The following GALR1 variants were observed in gnomAD, a reference collection of about 807,000 sequenced individuals.
GALR1 encodes the protein galanin receptor 1.
GALR1 carries 11 observed loss-of-function variants against 17.9 expected under a neutral mutation model. The observed-to-expected ratio is 0.62, with a 90% CI of 0.39 to 1.02. GALR1 has a LOEUF of 1.02. Ranked by LOEUF, GALR1 falls within the 50% of genes least tolerant of loss-of-function variation. The pLI, the probability that GALR1 is intolerant of heterozygous loss-of-function variation, is 0.01. For synonymous variants in GALR1, 206 were observed against 205.7 expected (o/e 1.00, Z -0.01); for missense variants, 441 against 456.9 (o/e 0.97, Z 0.32).
At position 77,274,351 on chromosome 18, in the gene GALR1, T is replaced by A. The variant is rs1913116208; in HGVS notation, c.*5449T>A. On this transcript the variant is annotated 3_prime_UTR_variant, in exon 3 of 3. Transcript: ENST00000299727. ...ATCCAAAAGCCAAGTGAAGGGCAGATAGATCCCCAGGTGCCACCCAGGCTC... is the reference window on the plus strand; with the variant it reads ...ATCCAAAAGCCAAGTGAAGGGCAGAAAGATCCCCAGGTGCCACCCAGGCTC... The A allele has an allele frequency of 6.6e-6, 1 of 152,340 alleles. No homozygotes were observed. The highest frequency in any genetic ancestry group is 6.5e-5 in the Admixed American group (1 of 15,280). The allele number at this position is 152,340 out of a possible 1,614,324, so 9.4% of individuals were successfully genotyped here.
At chr18:77,263,656 T>G (rs1912881085) in intron 2 of GALR1, among the ~76,000 whole-genome samples, 1 of 152,166 alleles carries the variant, frequency 6.6e-6, no homozygotes, top group Non-Finnish European at 1.5e-5. Context: ...GATCTAGCCC[T>G]CCCTCTACTC....
chr18:77,256,922 T>C (rs577948291), intron 2 of GALR1, among the ~76,000 whole-genome samples: 1 of 152,324 alleles, frequency 6.6e-6, no homozygotes, highest in South Asian at 2.1e-4. Flanking sequence ...GAACTCTTAC[T>C]CAGAAAATAT....
At chr18:77,258,730 GATGGTGATGATGGTT>G (rs1912682765) in intron 2 of GALR1, among the ~76,000 whole-genome samples, 1 of 104,378 alleles carries the variant, frequency 9.6e-6, no homozygotes, top group Admixed American at 9.9e-5. Context: ...TGATGGTGGT[GATGGTGATGATGGTT>G]ATGGTGGTGA....
At chr18:77,259,449 CATGGTGGTGATGGTGGTG>C (rs1193081379) in intron 2 of GALR1, among the ~76,000 whole-genome samples, 1 of 59,594 alleles carries the variant, frequency 1.7e-5, no homozygotes, top group African/African-American at 4.4e-5. Context: ...TGATGGTGAT[CATGGTGGTGATGGTGGTG>C]ATGGTGGCGA....
chr18:77,264,308 C>T (rs1912899399), intron 2 of GALR1, among the ~76,000 whole-genome samples: 1 of 152,120 alleles, frequency 6.6e-6, no homozygotes, highest in Non-Finnish European at 1.5e-5. Context: ...TGTGGTGGGA[C>T]AGTGCTGTCT....
At chr18:77,264,455 T>G (rs532172919) in intron 2 of GALR1, among the ~76,000 whole-genome samples, 3 of 152,204 alleles carry the variant, frequency 2.0e-5, no homozygotes, top group Admixed American at 6.5e-5. Context: ...TTATCCATTT[T>G]AGAGTATTTC....
At chr18:77,262,019 G>T (rs1912841251) in intron 2 of GALR1, among the ~76,000 whole-genome samples, 1 of 151,992 alleles carries the variant, frequency 6.6e-6, no homozygotes, top group African/African-American at 2.4e-5. Flanking sequence ...TTAAAGGTGG[G>T]GACTCAGGAT....
chr18:77,266,218 C>G (rs932206505), intron 2 of GALR1, among the ~76,000 whole-genome samples: 1 of 152,192 alleles, frequency 6.6e-6, no homozygotes, highest in African/African-American at 2.4e-5. Flanking sequence ...TAAAGCATAG[C>G]AAGAGTGACC....
chr18:77,267,203 C>G (rs546296075), intron 2 of GALR1, among the ~76,000 whole-genome samples: 1 of 152,350 alleles, frequency 6.6e-6, no homozygotes, highest in African/African-American at 2.4e-5. Flanking sequence ...CTTATGGCAG[C>G]CTTTATTGCC....
At chr18:77,252,819 G>A (rs1460930818) in intron 1 of GALR1, among the ~76,000 whole-genome samples, 1 of 144,622 alleles carries the variant, frequency 6.9e-6, no homozygotes, top group East Asian at 2.1e-4. Context: ...CTGAACTCTA[G>A]CCTGGCTGAC....
rs1307807737 is a variant in GALR1 at position 77,274,185 on chromosome 18, GCTCA to G, written c.*5286_*5289del. The G allele has an allele frequency of 3.3e-5, 5 of 151,968 alleles. No individual in the cohort carries two copies. Among genetic ancestry groups the G allele is most frequent in the Non-Finnish European group, 5.9e-5 (4 of 67,982 alleles). 9.4% of individuals were successfully genotyped at this position (151,968 alleles called of 1,614,324 possible). ...TGCTGGCTAGATTGTCCAAAAACAA[GCTCA>G]CTTGTTTTTGGGCAATCTAGCCAAG... is the stretch of plus-strand genomic sequence containing the variant. On this transcript the variant is annotated 3_prime_UTR_variant, in exon 3 of 3. Coordinates refer to ENST00000299727, the MANE Select transcript of GALR1 (RefSeq NM_001480.4).
Position 77,268,935 on chromosome 18 carries a change from C to T in GALR1, c.*33C>T. The T allele has an allele frequency of 1.3e-6, 2 of 1,499,138 alleles. No homozygotes were observed. The highest frequency in any genetic ancestry group is 1.7e-4 in the Middle Eastern group (1 of 5,786). 92.9% of individuals were successfully genotyped at this position (1,499,138 alleles called of 1,614,324 possible). A position where few individuals can be genotyped will look rare whatever the true frequency, so the allele number is the denominator to read the frequency against. On this transcript the variant is annotated 3_prime_UTR_variant, in exon 3 of 3. Coordinates refer to ENST00000299727, the MANE Select transcript of GALR1 (RefSeq NM_001480.4). ...TAGAGTATCCTTATGGTTGAGTTTC[C>T]ATATAAGTGGACCAGACACAGAAAC...
At position 77,273,710 on chromosome 18, in the gene GALR1, T is replaced by A. The variant is rs1913104330; in HGVS notation, c.*4808T>A. On this transcript the variant is annotated 3_prime_UTR_variant, in exon 3 of 3. Coordinates refer to ENST00000299727, the MANE Select transcript of GALR1 (RefSeq NM_001480.4). Reference sequence around the variant, plus strand: ...ATCTTTGTATTCACTGGAAATAACCTCAGCTGAATTTTCTCTCTGAATCTT... The same window carrying A: ...ATCTTTGTATTCACTGGAAATAACCACAGCTGAATTTTCTCTCTGAATCTT... The A allele has an allele frequency of 6.6e-6, 1 of 152,108 alleles. No individual in the cohort carries two copies. The highest frequency in any genetic ancestry group is 2.4e-5 in the African/African-American group (1 of 41,410). The allele number at this position is 152,108 out of a possible 1,614,324, so 9.4% of individuals were successfully genotyped here.
intron 2 of GALR1, among the ~76,000 whole-genome samples, chr18:77,262,149 T>A (rs912372263): frequency 2.0e-5 from 3 of 151,830 alleles, no homozygotes; most frequent in Non-Finnish European, 4.4e-5. Flanking sequence ...AAAAGGCAGA[T>A]TCCTGGGTAA....
Position 77,269,830 on chromosome 18 carries a change from AGTCACATGAAGTAATG to A in GALR1, c.*933_*948del, listed in dbSNP as rs1323104479. 1 of 152,234 alleles carries A rather than the reference AGTCACATGAAGTAATG, an allele frequency of 6.6e-6. No homozygotes were observed. Among genetic ancestry groups the A allele is most frequent in the Non-Finnish European group, 1.5e-5 (1 of 68,036 alleles). 9.4% of individuals were successfully genotyped at this position (152,234 alleles called of 1,614,324 possible). On this transcript the variant is annotated 3_prime_UTR_variant, in exon 3 of 3. Transcript: ENST00000299727. ...ACCAAAGACTAGACAGAATTCAGTA[AGTCACATGAAGTAATG>A]GTCATGCCTGTACATAAAGCATATT...
At position 77,250,620 on chromosome 18, in the gene GALR1, G is replaced by A. The variant is rs565505361; in HGVS notation, c.72G>A (p.Gly24=). ...CGGAGCCCCCCGCCCCGGAGCCCGG[G>A]CCGCTGTTCGGCATCGGCGTGGAGA... ...SWPEPPAPEP[G]PLFGIGVENF... The change falls in exon 1 of 3, where the codon GGG becomes GGA. Residue 24 remains glycine (G), a synonymous_variant. Coordinates refer to ENST00000299727, the MANE Select transcript of GALR1 (RefSeq NM_001480.4). 93 of 1,580,858 alleles carry A rather than the reference G, an allele frequency of 5.9e-5. 1 individual carries two copies. In the South Asian group the frequency reaches 1.0e-3, roughly 17 times the overall value.
rs1429985144 is a variant in GALR1, at chr18:77,250,313, G to A, written c.-236G>A. 1.3e-5 allele frequency among the ~76,000 whole-genome samples: 2 copies of A among 152,178 alleles called. No homozygotes were observed. Among genetic ancestry groups the A allele is most frequent in the African/African-American group, 4.8e-5 (2 of 41,464 alleles). On this transcript the variant is annotated 5_prime_UTR_variant, in exon 1 of 3. Coordinates refer to ENST00000299727, the MANE Select transcript of GALR1 (RefSeq NM_001480.4). ...GAGATCACCGTCCCTTCCCGAGAAG[G>A]TCCAGCTCCGGGCTCCCGAACCCAC...
Position 77,270,685 on chromosome 18 carries a change from CA to C in GALR1, c.*1784del, listed in dbSNP as rs1204103344. 1 of 152,064 alleles carries C rather than the reference CA, an allele frequency of 6.6e-6. No individual in the cohort carries two copies. Among genetic ancestry groups the C allele is most frequent in the Non-Finnish European group, 1.5e-5 (1 of 68,038 alleles). 9.4% of individuals were successfully genotyped at this position (152,064 alleles called of 1,614,324 possible). ...AGCTCATTCACTTACTTTCACTAAT[CA>C]TATTTCAGTGACTAGTGTTTACATT... On this transcript the variant is annotated 3_prime_UTR_variant, in exon 3 of 3. Coordinates refer to ENST00000299727, the MANE Select transcript of GALR1 (RefSeq NM_001480.4).
intron 1 of GALR1, among the ~76,000 whole-genome samples, chr18:77,252,923 TCACCAC>T (rs1912475884): frequency 0.012 from 987 of 84,616 alleles, 40 homozygotes; most frequent in South Asian, 0.031. Flanking sequence ...ACCACCACCA[TCACCAC>T]CACCACCACC....
Sources: gnomAD v4.1 joint callset for allele counts (sites outside exome capture counted in the v4.1 genomes callset) on GRCh38, gnomAD v4.1.1 for gene constraint, MANE v1.5 for transcripts, NCBI Gene and HGNC (gene_info 2026-07-23, HGNC 2026-07-21) for gene names.